ITGA6: variants seen among roughly 807,000 people sequenced by gnomAD.
ITGA6 encodes integrin subunit alpha 6.
Under a neutral mutation model 133.6 loss-of-function variants are expected in ITGA6, and 63 were observed. That is an observed-to-expected ratio of 0.47 (90% CI 0.38 to 0.58). ITGA6 has a LOEUF of 0.58. Among genes scored for constraint, ITGA6 ranks in the 20% least tolerant of loss-of-function variants. The pLI is 0.00. For missense variants in ITGA6, 1,068 were observed against 1,309.4 expected (o/e 0.82, Z 2.85); for synonymous variants, 434 against 482.0 (o/e 0.90, Z 1.30).
chr2:172,435,616 C>CTTTTTT lies in ITGA6; in HGVS notation c.182+7665_182+7670dup, dbSNP rs58005683. Among the ~76,000 whole-genome samples the CTTTTTT allele has an allele frequency of 3.5e-3, 287 of 82,278 alleles. 3 individuals are homozygous for CTTTTTT. The highest frequency in any genetic ancestry group is 9.5e-3 in the African/African-American group (180 of 18,856). The allele number at this position is 82,278 out of a possible 152,430, so 54.0% of individuals were successfully genotyped here. The stretch of plus-strand genomic sequence containing the variant: ...GACACAAAACCCAAGAGTTTTGTTT[C>CTTTTTT]TTTTTTTTTTTTTTTTTTTTTTTTG... On this transcript the variant is annotated intron_variant, in intron 1 of 25. Transcript: ENST00000684293.
rs953907147 is a variant in ITGA6 at position 172,476,466 on chromosome 2, C to T, written c.1341C>T (p.Tyr447=). ...AGNMDLDRNS[Y]PDVAVGSLSD... is the part of the protein sequence containing the mutation. ...ACATGGACCTTGATCGAAATTCCTA[C>T]CCTGATGTTGCTGTTGGTTCCCTCT... is the stretch of plus-strand genomic sequence containing the variant. Residue 447 remains tyrosine (Y), a synonymous_variant, in exon 9 of 26, where the codon TAC becomes TAT. Coordinates refer to ENST00000684293, the MANE Select transcript of ITGA6 (RefSeq NM_000210.4). 6.2e-7 allele frequency: 1 copy of T among 1,612,004 alleles called. No homozygotes were observed. The highest frequency in any genetic ancestry group is 1.7e-5 in the Admixed American group (1 of 60,016).
chr2:172,487,147 C>T lies in ITGA6; in HGVS notation c.1970+9C>T, dbSNP rs777751036. Reference sequence around the variant, plus strand: ...TTTTCTTATTTACCAATGTAAGAATCGTTGTGTAGCACTAGCAAAAATGAT... The same window carrying T: ...TTTTCTTATTTACCAATGTAAGAATTGTTGTGTAGCACTAGCAAAAATGAT... On this transcript the variant is annotated intron_variant, in intron 14 of 25. Transcript: ENST00000684293. The T allele has an allele frequency of 3.0e-5, 46 of 1,550,442 alleles. No individual in the cohort carries two copies. Among genetic ancestry groups the T allele is most frequent in the African/African-American group, 4.1e-5 (3 of 73,612 alleles).
rs1477953663 is a variant in ITGA6 at position 172,503,604 on chromosome 2, AGTT to A, written c.*23-485_*23-483del. 3.3e-5 allele frequency: 5 copies of A among 152,428 alleles called. 1 individual carries two copies. Among genetic ancestry groups the A allele is most frequent in the African/African-American group, 1.2e-4 (5 of 41,582 alleles). The allele number at this position is 152,428 out of a possible 1,614,324, so 9.4% of individuals were successfully genotyped here. On this transcript the variant is annotated intron_variant, in intron 25 of 25. Coordinates refer to ENST00000684293, the MANE Select transcript of ITGA6 (RefSeq NM_000210.4). ...CTCAGAGGAGAGAAAAAGATTATAA[AGTT>A]GACCTGTTGGAACACTGGCATATTC...
intron 1 of ITGA6, among the ~76,000 whole-genome samples, chr2:172,438,084 G>A (rs994451781): frequency 2.0e-5 from 3 of 151,724 alleles, no homozygotes; most frequent in African/African-American, 4.8e-5. Context: ...TTTTGCTGTA[G>A]AGGGGAGCAG....
At chr2:172,452,179 AT>A (rs1685034192) in intron 1 of ITGA6, among the ~76,000 whole-genome samples, 1 of 152,092 alleles carries the variant, frequency 6.6e-6, no homozygotes, top group Non-Finnish European at 1.5e-5. Flanking sequence ...TAGGTGGTTC[AT>A]TGCTTTGACT....
chr2:172,484,702 A>G lies in ITGA6; in HGVS notation c.1550-80A>G. On this transcript the variant is annotated intron_variant, in intron 11 of 25. Coordinates refer to ENST00000684293, the MANE Select transcript of ITGA6 (RefSeq NM_000210.4). ...GCAATGTTTTCTACAAGGAATTAAA[A>G]TCTTAAAAGGAGTTCAACATGCTTG... 3 of 1,168,160 alleles carry G rather than the reference A, an allele frequency of 2.6e-6. 1 individual carries two copies. In the South Asian group the frequency reaches 3.7e-5, roughly 15 times the overall value. The allele number at this position is 1,168,160 out of a possible 1,614,324, so 72.4% of individuals were successfully genotyped here. A position where few individuals can be genotyped will look rare whatever the true frequency, so the allele number is the denominator to read the frequency against.
intron 1 of ITGA6, among the ~76,000 whole-genome samples, chr2:172,458,033 G>A (rs369329039): frequency 6.6e-6 from 1 of 151,978 alleles, no homozygotes; most frequent in Non-Finnish European, 1.5e-5. Context: ...GAGTGGGTCT[G>A]GAAGTGAAGG....
intron 1 of ITGA6, among the ~76,000 whole-genome samples, chr2:172,441,018 C>T (rs1385656549): frequency 6.6e-6 from 1 of 151,958 alleles, no homozygotes; most frequent in East Asian, 2.0e-4. Flanking sequence ...TTTAGCTTGT[C>T]TTGCAAATAC....
At chr2:172,455,823 G>A (rs1685184603) in intron 1 of ITGA6, among the ~76,000 whole-genome samples, 1 of 152,160 alleles carries the variant, frequency 6.6e-6, no homozygotes, top group Non-Finnish European at 1.5e-5. Context: ...ATAACTTAAA[G>A]TACACACACA....
Position 172,489,676 on chromosome 2 carries a change from T to C in ITGA6, c.2679+18T>C. 1 of 1,604,584 alleles carries C rather than the reference T, an allele frequency of 6.2e-7. No individual in the cohort carries two copies. Among genetic ancestry groups the C allele is most frequent in the Non-Finnish European group, 8.5e-7 (1 of 1,171,626 alleles). ...ACCTAACGGTATGTCGGTAGATTTA[T>C]CTAATGTCTCCATAAATGCAAATTA... On this transcript the variant is annotated intron_variant, in intron 20 of 25. Transcript: ENST00000684293.
chr2:172,478,676 C>T lies in ITGA6; in HGVS notation c.1389-965C>T, dbSNP rs182932062. ...TGGATTCCAGCTTCTCAAGTGTTTG[C>T]GGGGTTGCAGTAGGCAGCGCAGAGA... On this transcript the variant is annotated intron_variant, in intron 9 of 25. Coordinates refer to ENST00000684293, the MANE Select transcript of ITGA6 (RefSeq NM_000210.4). 9.9e-5 allele frequency among the ~76,000 whole-genome samples: 15 copies of T among 152,250 alleles called. No homozygotes were observed. In the East Asian group the frequency reaches 2.5e-3, roughly 25 times the overall value.
intron 1 of ITGA6, among the ~76,000 whole-genome samples, chr2:172,444,549 A>G (rs1480089527): frequency 6.6e-6 from 1 of 151,828 alleles, no homozygotes; most frequent in Admixed American, 6.6e-5. Context: ...TAGATTTGGG[A>G]TGCTCAGTAA....
rs1686568092 is a variant in ITGA6 at position 172,484,224 on chromosome 2, C to T, written c.1550-558C>T. Among the ~76,000 whole-genome samples the T allele has an allele frequency of 2.0e-5, 3 of 152,214 alleles. No individual in the cohort carries two copies. The South Asian group carries it at 6.2e-4, about 32-fold the overall frequency. ...TATCCTTTATCAGTGCTTCTTAAAA[C>T]TTTAATACGTATAAGAATCATCTGG... On this transcript the variant is annotated intron_variant, in intron 11 of 25. Transcript: ENST00000684293.
intron 1 of ITGA6, among the ~76,000 whole-genome samples, chr2:172,448,302 T>C (rs1251519012): frequency 2.6e-5 from 4 of 152,078 alleles, no homozygotes; most frequent in African/African-American, 2.4e-5. Context: ...GGTGTAGTGA[T>C]GTCATCAAAT....
chr2:172,440,630 T>C lies in ITGA6; in HGVS notation c.182+12660T>C, dbSNP rs150460318. Among the ~76,000 whole-genome samples, 699 of 152,352 alleles carry C rather than the reference T, an allele frequency of 4.6e-3. 6 individuals are homozygous for C. Among genetic ancestry groups the C allele is most frequent in the African/African-American group, 0.015 (637 of 41,576 alleles). On this transcript the variant is annotated intron_variant, in intron 1 of 25. Transcript: ENST00000684293. ...TGAAATTTAAAGTTTAACATATTTA[T>C]GGTACAAGTTGAAATTTAGTCTCTT...
chr2:172,471,206 G>A, intron 5 of ITGA6, 101 bp downstream of exon 5: 1 of 1,424,676 alleles, frequency 7.0e-7, no homozygotes. Flanking sequence ...AGGCTGAGAA[G>A]AGGCCAGGTG....
intron 1 of ITGA6, 176 bp from the exon 2 acceptor site, chr2:172,465,363 G>GT (rs1685610577): frequency 1.3e-6 from 1 of 752,642 alleles, no homozygotes. Flanking sequence ...GTGTTTGTGC[G>GT]TTTTGCATGA....
chr2:172,460,305 AAG>A (rs1685380659), intron 1 of ITGA6, among the ~76,000 whole-genome samples: 2 of 152,244 alleles, frequency 1.3e-5, no homozygotes, highest in African/African-American at 4.8e-5. Flanking sequence ...TGGAGAAACT[AAG>A]AGGAAAGTTT....
chr2:172,499,663 T>C (rs951358974), intron 24 of ITGA6, among the ~76,000 whole-genome samples: 1 of 152,214 alleles, frequency 6.6e-6, no homozygotes, highest in African/African-American at 2.4e-5. Context: ...CACCCGGCCT[T>C]GAAAATTATT....
Sources: gnomAD v4.1 joint callset for allele counts (sites outside exome capture counted in the v4.1 genomes callset) on GRCh38, gnomAD v4.1.1 for gene constraint, MANE v1.5 for transcripts, NCBI Gene and HGNC (gene_info 2026-07-23, HGNC 2026-07-21) for gene names.